The following CTNNA2 variants were observed in gnomAD, a reference collection of about 807,000 sequenced individuals.
CTNNA2 encodes catenin alpha-2.
A neutral mutation model predicts 101.0 loss-of-function variants in CTNNA2; 42 were observed. That is an observed-to-expected ratio of 0.42 (90% CI 0.32 to 0.54). The LOEUF is 0.54. Ranked by LOEUF, CTNNA2 falls within the 20% of genes least tolerant of loss-of-function variation. The pLI is 0.14. For missense variants in CTNNA2, 871 were observed against 1,223.1 expected (o/e 0.71, Z 4.29); for synonymous variants, 450 against 456.4 (o/e 0.99, Z 0.18).
chr2:80,130,421 TAG>T (rs1702352623), intron 7 of CTNNA2, among the ~76,000 whole-genome samples: 4 of 151,266 alleles, frequency 2.6e-5, no homozygotes, highest in East Asian at 1.9e-4. Context: ...GAAAAAGAGA[TAG>T]AGTTACAACT....
intron 1 of CTNNA2, among the ~76,000 whole-genome samples, chr2:79,593,356 C>T (rs2104000519): frequency 6.6e-6 from 1 of 152,308 alleles, no homozygotes; most frequent in African/African-American, 2.4e-5. Flanking sequence ...CAATTATGGT[C>T]ACAGTTGAGA....
intron 3 of CTNNA2, among the ~76,000 whole-genome samples, chr2:79,855,346 C>G (rs1681044141): frequency 6.6e-6 from 1 of 152,094 alleles, no homozygotes; most frequent in Non-Finnish European, 1.5e-5. Context: ...CACGTGTCAC[C>G]CATCGGCTTT....
In CTNNA2 at chr2:80,567,953, C is replaced by A. The variant is rs182173375; in HGVS notation, c.1742-6210C>A. On this transcript the variant is annotated intron_variant, in intron 12 of 18. Coordinates refer to ENST00000402739, the MANE Select transcript of CTNNA2 (RefSeq NM_001282597.3). ...ACAGGGGCTTTGTCTATTTTCTTTT[C>A]TCTATGCTCCATAATAAAATTTGTG... Among the ~76,000 whole-genome samples the A allele has an allele frequency of 2.0e-5, 3 of 152,218 alleles. No individual in the cohort carries two copies. The East Asian group carries it at 5.8e-4, about 29-fold the overall frequency.
At position 79,199,121 on chromosome 2, in the gene CTNNA2, C is replaced by T. The variant is rs572165106; in HGVS notation, c.-406+1045C>T. On this transcript the variant is annotated intron_variant, in intron 2 of 21. Coordinates refer to the CTNNA2 transcript ENST00000466387. ...AATTTACAAAGTTGTAAAATAGCTCCCATAGAATCAGAATCAGATAACCAG... is the reference window on the plus strand; with the variant it reads ...AATTTACAAAGTTGTAAAATAGCTCTCATAGAATCAGAATCAGATAACCAG... 4.6e-5 allele frequency among the ~76,000 whole-genome samples: 7 copies of T among 152,298 alleles called. No homozygotes were observed. In the East Asian group the frequency reaches 1.3e-3, roughly 29 times the overall value.
chr2:79,957,332 G>T (rs1689306624), intron 7 of CTNNA2, among the ~76,000 whole-genome samples: 2 of 152,170 alleles, frequency 1.3e-5, no homozygotes, highest in South Asian at 2.1e-4. Flanking sequence ...TCTACAGAAA[G>T]CATCTTCCAT....
intron 7 of CTNNA2, among the ~76,000 whole-genome samples, chr2:80,214,780 A>G (rs1018213089): frequency 6.6e-6 from 1 of 151,918 alleles, no homozygotes; most frequent in Non-Finnish European, 1.5e-5. Flanking sequence ...CGTTCTCTGT[A>G]TTTCCTGAAT....
At chr2:79,428,351 G>T (rs887733553) in intron 4 of CTNNA2, among the ~76,000 whole-genome samples, 1 of 151,876 alleles carries the variant, frequency 6.6e-6, no homozygotes, top group Non-Finnish European at 1.5e-5. Flanking sequence ...GCTCAGTAAG[G>T]CTCCACTCAC....
chr2:80,154,456 C>A (rs1279137402), intron 7 of CTNNA2, among the ~76,000 whole-genome samples: 1 of 152,046 alleles, frequency 6.6e-6, no homozygotes, highest in African/African-American at 2.4e-5. Context: ...AGGAATAAAC[C>A]GAGCTAAGAA....
intron 7 of CTNNA2, among the ~76,000 whole-genome samples, chr2:80,112,328 C>G (rs1029422460): frequency 5.3e-5 from 8 of 152,104 alleles, no homozygotes; most frequent in Admixed American, 4.6e-4. Context: ...CACAAATACT[C>G]TCATTCAATG....
intron 2 of CTNNA2, among the ~76,000 whole-genome samples, chr2:79,208,275 G>A (rs1318827386): frequency 6.6e-6 from 1 of 152,100 alleles, no homozygotes; most frequent in Admixed American, 6.6e-5. Flanking sequence ...CTCTGCAATG[G>A]GTGCAAATGA....
At chr2:79,356,901 AT>A (rs1401547499) in intron 3 of CTNNA2, among the ~76,000 whole-genome samples, 1 of 152,244 alleles carries the variant, frequency 6.6e-6, no homozygotes, top group Non-Finnish European at 1.5e-5. Context: ...TCACATAGAG[AT>A]TTAAACATAG....
intron 9 of CTNNA2, among the ~76,000 whole-genome samples, chr2:80,508,090 C>T (rs1372996363): frequency 6.6e-6 from 1 of 152,146 alleles, no homozygotes; most frequent in Non-Finnish European, 1.5e-5. Context: ...TGGGTTGGCA[C>T]TAGATGATAT....
intron 7 of CTNNA2, among the ~76,000 whole-genome samples, chr2:80,173,614 G>A (rs755899368): frequency 3.9e-5 from 6 of 152,164 alleles, no homozygotes; most frequent in South Asian, 2.1e-4. Flanking sequence ...TAGTTTCCTC[G>A]CACTGGATGG....
At chr2:79,419,182 T>C (rs1172110477) in intron 4 of CTNNA2, among the ~76,000 whole-genome samples, 1 of 152,170 alleles carries the variant, frequency 6.6e-6, no homozygotes, top group Admixed American at 6.6e-5. Flanking sequence ...ACTAGCTTTG[T>C]GACCTTAGGC....
intron 9 of CTNNA2, among the ~76,000 whole-genome samples, chr2:80,505,608 G>T (rs541211344): frequency 6.6e-6 from 1 of 152,156 alleles, no homozygotes; most frequent in Middle Eastern, 3.2e-3. Flanking sequence ...ACATGAATTA[G>T]GGGTGATATC....
At chr2:80,073,254 C>T (rs1698460336) in intron 7 of CTNNA2, among the ~76,000 whole-genome samples, 1 of 152,146 alleles carries the variant, frequency 6.6e-6, no homozygotes, top group Non-Finnish European at 1.5e-5. Context: ...GGCAGTGGTA[C>T]ACACAGGCTG....
chr2:79,853,514 A>G (rs1434707185), intron 3 of CTNNA2, among the ~76,000 whole-genome samples: 2 of 152,264 alleles, frequency 1.3e-5, no homozygotes, highest in Non-Finnish European at 2.9e-5. Context: ...TCAAGCATTT[A>G]GAGTGCTGAC....
chr2:80,252,188 A>T (rs1671818435), intron 7 of CTNNA2, among the ~76,000 whole-genome samples: 1 of 152,126 alleles, frequency 6.6e-6, no homozygotes, highest in African/African-American at 2.4e-5. Flanking sequence ...GAAAAGGATG[A>T]AGTCTTATTT....
chr2:79,512,137 G>C (rs1240590379), upstream of CTNNA2, among the ~76,000 whole-genome samples: 2 of 152,106 alleles, frequency 1.3e-5, no homozygotes, highest in Admixed American at 1.3e-4. Flanking sequence ...TCGAGTCCCA[G>C]CTGCCGATGG....
Sources: gnomAD v4.1 joint callset for allele counts (sites outside exome capture counted in the v4.1 genomes callset) on GRCh38, gnomAD v4.1.1 for gene constraint, MANE v1.5 for transcripts, NCBI Gene and HGNC (gene_info 2026-07-23, HGNC 2026-07-21) for gene names.